Variants in ATRN observed in about 807,000 individuals in gnomAD.
The protein encoded by ATRN is attractin.
In ATRN, 54 loss-of-function variants were observed where a neutral mutation model predicts 178.7. The observed-to-expected ratio is 0.30, with a 90% CI of 0.24 to 0.38. The LOEUF is 0.38. ATRN is among the 10% of genes least tolerant of loss of function. The pLI is 1.00. For synonymous variants in ATRN, 636 were observed against 663.0 expected, an observed-to-expected ratio of 0.96 and a Z score of 0.63; for missense variants, 1,443 against 1,815.1, an observed-to-expected ratio of 0.79 and a Z score of 3.73.
At chr20:3,512,446 T>C (rs2085148238) in intron 1 of ATRN, among the ~76,000 whole-genome samples, 1 of 152,160 alleles carries the variant, frequency 6.6e-6, no homozygotes, top group African/African-American at 2.4e-5. Context: ...CTCATCATTT[T>C]TTATGGCTGC....
At chr20:3,527,153 A>G (rs555664668) in intron 1 of ATRN, among the ~76,000 whole-genome samples, 4 of 152,260 alleles carry the variant, frequency 2.6e-5, no homozygotes, top group African/African-American at 9.6e-5. Context: ...AACCTACAGA[A>G]TGGGAGAAAA....
rs182140081 is a variant in ATRN, at chr20:3,528,097, G to T, written c.411-7156G>T. 3.4e-3 allele frequency among the ~76,000 whole-genome samples: 521 copies of T among 152,002 alleles called. 3 individuals are homozygous for T. The highest frequency in any genetic ancestry group is 0.012 in the African/African-American group (480 of 41,466). The stretch of plus-strand genomic sequence containing the variant: ...AAACAAAAAAACCAGAAGGCCGGGC[G>T]TGGTGGCTCACACCTGTAATCCCAG... On this transcript the variant is annotated intron_variant, in intron 1 of 28. Transcript: ENST00000262919.
chr20:3,579,585 T>C (rs761907257), intron 15 of ATRN, among the ~76,000 whole-genome samples: 1 of 152,174 alleles, frequency 6.6e-6, no homozygotes, highest in Non-Finnish European at 1.5e-5. Context: ...TGTCAAGAGT[T>C]TCTAAGCCCA....
intron 23 of ATRN, among the ~76,000 whole-genome samples, chr20:3,601,818 C>T (rs780189060): frequency 6.1e-5 from 9 of 146,404 alleles, no homozygotes; most frequent in African/African-American, 2.3e-4. Context: ...GAGCCATGAT[C>T]GCACCATTGT....
intron 1 of ATRN, among the ~76,000 whole-genome samples, chr20:3,530,571 C>T (rs6051927): frequency 0.051 from 7,802 of 151,858 alleles, 598 homozygotes; most frequent in African/African-American, 0.17. Flanking sequence ...TGAGCCACTA[C>T]GCCTGGCCAG....
chr20:3,546,203 G>A (rs1299846237), intron 4 of ATRN, among the ~76,000 whole-genome samples: 4 of 152,098 alleles, frequency 2.6e-5, no homozygotes, highest in Non-Finnish European at 5.9e-5. Context: ...GGACAAAAAC[G>A]TTGGAATTTT....
rs563302022 is a variant in ATRN, at chr20:3,536,245, G to A, written c.494+909G>A. On this transcript the variant is annotated intron_variant, in intron 2 of 28. Transcript: ENST00000262919. ...TTATTTTGAGATGTCATCTCGCTCT[G>A]TGGCCCAGGCTGGAGTGCAGTGGTG... Among the ~76,000 whole-genome samples the A allele has an allele frequency of 1.8e-4, 28 of 152,110 alleles. 2 individuals are homozygous for A. In the South Asian group the frequency reaches 5.8e-3, roughly 32 times the overall value.
chr20:3,603,785 G>T (rs2086643935), intron 23 of ATRN, among the ~76,000 whole-genome samples: 1 of 152,060 alleles, frequency 6.6e-6, no homozygotes, highest in South Asian at 2.1e-4. Flanking sequence ...ACCGCACCCG[G>T]CCAGTAAAAC....
chr20:3,567,186 C>T (rs1449043566), intron 11 of ATRN, among the ~76,000 whole-genome samples: 1 of 152,140 alleles, frequency 6.6e-6, no homozygotes, highest in Non-Finnish European at 1.5e-5. Flanking sequence ...AGCTTTCTAG[C>T]AAGTGCCTCT....
rs765324915 is a variant in ATRN, at chr20:3,549,188, C to T, written c.962C>T (p.Pro321Leu). ...TTATTAGGTCCTGGATGTTCAGTTC[C>T]TGTACCAGCTAACCAGTCATTTTGG... is the stretch of plus-strand genomic sequence containing the variant. ...SDWQGPGCSV[P>L]VPANQSFWTR... Residue 321 changes from proline to leucine, a missense_variant, in exon 6 of 29, where the codon CCT (proline) becomes CTT (leucine). By Grantham distance (98) the Pro-to-Leu change is moderately conservative (BLOSUM62 -3). Transcript: ENST00000262919. 1.2e-6 allele frequency: 2 copies of T among 1,607,164 alleles called. No homozygotes were observed. Among genetic ancestry groups the T allele is most frequent in the Non-Finnish European group, 1.7e-6 (2 of 1,177,774 alleles).
At chr20:3,634,243 G>A (rs2068985269) in intron 25 of ATRN, 68 bp from the exon 26 acceptor site, 5 of 1,478,296 alleles carry the variant, frequency 3.4e-6, no homozygotes, top group South Asian at 2.3e-5. Context: ...CCTGGCCTGA[G>A]GTGTGGGCAA....
chr20:3,510,611 CCCATCATTAGAT>C (rs1373799423), intron 1 of ATRN, among the ~76,000 whole-genome samples: 1 of 152,120 alleles, frequency 6.6e-6, no homozygotes, highest in East Asian at 1.9e-4. Context: ...GTTTTGTTTT[CCCATCATTAGAT>C]TCAAGTTACG....
At chr20:3,488,363 T>A (rs1406623028) in intron 1 of ATRN, among the ~76,000 whole-genome samples, 2 of 151,844 alleles carry the variant, frequency 1.3e-5, no homozygotes, top group South Asian at 2.1e-4. Context: ...AGAGAAAGAG[T>A]GTGTGTGTGT....
At chr20:3,529,900 T>C (rs1309828461) in intron 1 of ATRN, among the ~76,000 whole-genome samples, 1 of 152,186 alleles carries the variant, frequency 6.6e-6, no homozygotes, top group African/African-American at 2.4e-5. Context: ...AGTAAAATAC[T>C]GTCAGGTTAG....
chr20:3,603,691 G>C (rs1335921806), intron 23 of ATRN, among the ~76,000 whole-genome samples: 1 of 152,032 alleles, frequency 6.6e-6, no homozygotes, highest in African/African-American at 2.4e-5. Context: ...GTTTCTCCAT[G>C]TTTGTCAGGC....
intron 18 of ATRN, 152 bp downstream of exon 18, chr20:3,585,032 T>G: frequency 1.3e-6 from 1 of 758,588 alleles, no homozygotes; most frequent in South Asian, 1.8e-5. Context: ...GACCAGAAGC[T>G]GGTCCAAGGC....
At chr20:3,525,884 A>G (rs1016522827) in intron 1 of ATRN, among the ~76,000 whole-genome samples, 2 of 152,304 alleles carry the variant, frequency 1.3e-5, no homozygotes, top group Admixed American at 6.5e-5. Context: ...TAAACTAGGT[A>G]TTGGTGGAAC....
chr20:3,632,086 T>G lies in ATRN; in HGVS notation c.3864-2225T>G, dbSNP rs2086993919. On this transcript the variant is annotated intron_variant, in intron 25 of 28. Transcript: ENST00000262919. The surrounding 1 kb of genome is among the most constrained non-coding windows in gnomAD (Gnocchi z 4.2). ...CCCAGCCCAGACCTGGCAGCCAGCC[T>G]CCAGGTTAGAATATCTGCCCAGGAC... Among the ~76,000 whole-genome samples, 1 of 152,132 alleles carries G rather than the reference T, an allele frequency of 6.6e-6. No individual in the cohort carries two copies. The highest frequency in any genetic ancestry group is 1.5e-5 in the Non-Finnish European group (1 of 68,024).
At chr20:3,528,548 C>T (rs2085406275) in intron 1 of ATRN, among the ~76,000 whole-genome samples, 1 of 152,008 alleles carries the variant, frequency 6.6e-6, no homozygotes, top group Non-Finnish European at 1.5e-5. Flanking sequence ...ATTGAGTACA[C>T]ATGGACACAA....
Sources: gnomAD v4.1 joint callset for allele counts (sites outside exome capture counted in the v4.1 genomes callset) on GRCh38, gnomAD v4.1.1 for gene constraint, Gnocchi (gnomAD v3.1) non-coding constraint, MANE v1.5 for transcripts, NCBI Gene and HGNC (gene_info 2026-07-23, HGNC 2026-07-21) for gene names.